The following CMIP variants were observed in gnomAD, a reference collection of about 807,000 sequenced individuals.
CMIP encodes the protein c-Maf inducing protein.
Under a neutral mutation model 97.3 loss-of-function variants are expected in CMIP, and 13 were observed. That is an observed-to-expected ratio of 0.13 (90% CI 0.09 to 0.21). The LOEUF (loss-of-function observed/expected upper bound fraction) is 0.21, where lower values mean the gene tolerates loss of function less well. Among genes scored for constraint, CMIP ranks in the 10% least tolerant of loss-of-function variants. The pLI is 1.00. For missense variants in CMIP, 847 were observed against 1,024.9 expected, an observed-to-expected ratio of 0.83 and a Z score of 2.37; for synonymous variants, 538 against 436.3, an observed-to-expected ratio of 1.23 and a Z score of -2.91.
chr16:81,709,846 A>G lies in CMIP; in HGVS notation c.*47A>G. 4 of 1,572,000 alleles carry G rather than the reference A, an allele frequency of 2.5e-6. No homozygotes were observed. The highest frequency in any genetic ancestry group is 3.5e-6 in the Non-Finnish European group (4 of 1,157,732). On this transcript the variant is annotated 3_prime_UTR_variant, in exon 21 of 21. Transcript: ENST00000537098. ...AGACGTTTGCAACCGCGACAAAATA[A>G]CTCTTGACTAACAGCCGCAGAGCAG...
At chr16:81,597,120 A>G (rs9888833) in intron 1 of CMIP, among the ~76,000 whole-genome samples, 22,297 of 152,114 alleles carry the variant, frequency 0.15, 2,195 homozygotes, top group East Asian at 0.3. Flanking sequence ...TTGTGCAAAC[A>G]TCTTTGGGAG....
At chr16:81,695,959 G>A (rs1384053104) in intron 13 of CMIP, 1 of 155,772 alleles carries the variant, frequency 6.4e-6, no homozygotes, top group Non-Finnish European at 1.4e-5. Context: ...CAGATACCTG[G>A]AGGGGAGGAT....
At chr16:81,693,636 C>T in intron 13 of CMIP, 149 bp downstream of exon 13, 1 of 844,486 alleles carries the variant, frequency 1.2e-6, no homozygotes, top group Non-Finnish European at 1.8e-6. Context: ...ACATCCCCGC[C>T]TGGTGCAGAG....
chr16:81,529,206 C>G (rs1490231217), intron 1 of CMIP, among the ~76,000 whole-genome samples: 1 of 152,154 alleles, frequency 6.6e-6, no homozygotes, highest in African/African-American at 2.4e-5. Flanking sequence ...TGAAGAAAAG[C>G]TTTCTGGAGG....
chr16:81,504,641 CAAAA>C (rs149715666), intron 1 of CMIP, among the ~76,000 whole-genome samples: 3 of 71,990 alleles, frequency 4.2e-5, no homozygotes, highest in African/African-American at 6.7e-5. Context: ...AGACTCGTCT[CAAAA>C]AAAAAAAAAA....
intron 1 of CMIP, among the ~76,000 whole-genome samples, chr16:81,458,951 A>C (rs1906729344): frequency 6.6e-6 from 1 of 152,188 alleles, no homozygotes; most frequent in Admixed American, 6.5e-5. Context: ...CATCATCATC[A>C]TCATGACCCC....
At chr16:81,474,194 G>A (rs111761972) in intron 1 of CMIP, among the ~76,000 whole-genome samples, 18 of 152,200 alleles carry the variant, frequency 1.2e-4, no homozygotes, top group African/African-American at 4.3e-4. Context: ...GAGCTTGTGG[G>A]CGTGGACTTT....
intron 4 of CMIP, among the ~76,000 whole-genome samples, chr16:81,654,161 A>AT (rs1414137772): frequency 6.6e-6 from 1 of 151,994 alleles, no homozygotes; most frequent in Admixed American, 6.6e-5. Flanking sequence ...CTCGGGCAAG[A>AT]TTTTTTTTCC....
chr16:81,586,912 C>T (rs2091392355), intron 1 of CMIP, among the ~76,000 whole-genome samples: 1 of 152,180 alleles, frequency 6.6e-6, no homozygotes, highest in Admixed American at 6.5e-5. Flanking sequence ...AAGTAGAGAA[C>T]TCAAAGAGGA....
intron 2 of CMIP, among the ~76,000 whole-genome samples, chr16:81,608,315 TGGATCC>T (rs1451653005): frequency 1.4e-4 from 22 of 152,186 alleles, no homozygotes; most frequent in Non-Finnish European, 1.5e-5. Flanking sequence ...CAGGCATTGC[TGGATCC>T]GGGGGTCAGA....
intron 20 of CMIP, among the ~76,000 whole-genome samples, chr16:81,708,709 A>G (rs1251702752): frequency 2.6e-5 from 4 of 152,166 alleles, no homozygotes; most frequent in African/African-American, 9.7e-5. Context: ...CCATTTTTCA[A>G]GAGAACCTTG....
intron 1 of CMIP, among the ~76,000 whole-genome samples, chr16:81,447,017 C>T (rs547143153): frequency 2.0e-5 from 3 of 152,188 alleles, no homozygotes; most frequent in African/African-American, 7.2e-5. Flanking sequence ...GCCCAGTCCC[C>T]GGTCAGGCTG....
At chr16:81,586,668 C>G (rs539191234) in intron 1 of CMIP, among the ~76,000 whole-genome samples, 4 of 152,182 alleles carry the variant, frequency 2.6e-5, no homozygotes, top group African/African-American at 9.7e-5. Context: ...TCCTTCAAAG[C>G]CCAACTCAAA....
intron 1 of CMIP, among the ~76,000 whole-genome samples, chr16:81,577,707 C>T (rs1281807608): frequency 6.6e-6 from 1 of 151,404 alleles, no homozygotes; most frequent in African/African-American, 2.4e-5. Flanking sequence ...TCACCATCAC[C>T]ATCATCACCA....
chr16:81,662,356 C>T (rs562584576), intron 6 of CMIP, among the ~76,000 whole-genome samples: 27 of 152,330 alleles, frequency 1.8e-4, no homozygotes, highest in African/African-American at 6.0e-4. Flanking sequence ...CACTGTGTTT[C>T]TTACCTCAGC....
chr16:81,676,020 G>A (rs1041615002), intron 9 of CMIP, among the ~76,000 whole-genome samples: 2 of 152,208 alleles, frequency 1.3e-5, no homozygotes, highest in East Asian at 3.8e-4. Context: ...GAGAAGGGAC[G>A]TGATGGGATT....
intron 1 of CMIP, chr16:81,520,569 G>GGAGGGAGA (rs1555525672): frequency 9.4e-6 from 1 of 106,950 alleles, no homozygotes; most frequent in Non-Finnish European, 1.8e-5. Context: ...GGAGGAAGGG[G>GGAGGGAGA]GAGAGAGAGA....
intron 1 of CMIP, among the ~76,000 whole-genome samples, chr16:81,560,439 T>G (rs1048472808): frequency 6.6e-6 from 1 of 152,116 alleles, no homozygotes; most frequent in Non-Finnish European, 1.5e-5. Flanking sequence ...AGGATGGTCT[T>G]GATCTCCTGA....
chr16:81,525,804 T>C (rs1160713536), intron 1 of CMIP, among the ~76,000 whole-genome samples: 1 of 152,246 alleles, frequency 6.6e-6, no homozygotes, highest in South Asian at 2.1e-4. Context: ...GCAATCACTT[T>C]TCTGCTTTCT....
Sources: allele counts gnomAD v4.1 joint callset (sites outside exome capture counted in the v4.1 genomes callset), GRCh38; gene constraint gnomAD v4.1.1; transcripts MANE v1.5; gene names NCBI Gene and HGNC (gene_info 2026-07-23, HGNC 2026-07-21).